PAX7: variants seen among roughly 807,000 people sequenced by gnomAD.
PAX7 encodes paired box protein Pax-7.
Under a neutral mutation model 50.7 loss-of-function variants are expected in PAX7, and 18 were observed. That is an observed-to-expected ratio of 0.36 (90% CI 0.25 to 0.53). PAX7 has a LOEUF of 0.53. PAX7 is among the 20% of genes least tolerant of loss of function. The probability of loss-of-function intolerance (pLI) is 0.93; values close to 1 mark genes in which losing one functional copy is unlikely to be tolerated. For synonymous variants in PAX7, 310 were observed against 290.4 expected, an observed-to-expected ratio of 1.07 and a Z score of -0.69; for missense variants, 644 against 702.9, an observed-to-expected ratio of 0.92 and a Z score of 0.95.
chr1:18,666,347 G>A (rs1360082594), intron 4 of PAX7, among the ~76,000 whole-genome samples: 1 of 152,198 alleles, frequency 6.6e-6, no homozygotes, highest in Non-Finnish European at 1.5e-5. Context: ...TGGCCTGGCT[G>A]TGGTCTAGGG....
intron 4 of PAX7, among the ~76,000 whole-genome samples, chr1:18,645,210 C>A (rs2088318759): frequency 6.6e-6 from 1 of 152,176 alleles, no homozygotes; most frequent in Non-Finnish European, 1.5e-5. Flanking sequence ...TGGCAGCCAG[C>A]CCCCAAGCTG....
At chr1:18,689,532 T>C (rs1033582052) in intron 4 of PAX7, among the ~76,000 whole-genome samples, 2 of 152,162 alleles carry the variant, frequency 1.3e-5, no homozygotes, top group African/African-American at 4.8e-5. Flanking sequence ...TTGCAATCCA[T>C]TCCTTCGCTG....
chr1:18,670,465 C>G (rs975668855), intron 4 of PAX7, among the ~76,000 whole-genome samples: 2 of 152,174 alleles, frequency 1.3e-5, no homozygotes, highest in Non-Finnish European at 2.9e-5. Flanking sequence ...CCCAGGGGAC[C>G]TGTCTGCGCC....
At chr1:18,658,739 G>T (rs975646619) in intron 4 of PAX7, among the ~76,000 whole-genome samples, 1 of 152,220 alleles carries the variant, frequency 6.6e-6, no homozygotes. Flanking sequence ...AAGGTTTGCT[G>T]GTAGAAGCCT....
chr1:18,717,976 C>A (rs1212161691), intron 7 of PAX7, among the ~76,000 whole-genome samples: 2 of 152,194 alleles, frequency 1.3e-5, no homozygotes. Flanking sequence ...GGATAGACCA[C>A]CTAGAGCCCC....
chr1:18,719,727 C>T (rs893831840), intron 7 of PAX7, among the ~76,000 whole-genome samples: 1 of 152,226 alleles, frequency 6.6e-6, no homozygotes, highest in African/African-American at 2.4e-5. Flanking sequence ...CTTCCCTGAG[C>T]CCCCTGGACT....
At chr1:18,688,661 G>A (rs1351274159) in intron 4 of PAX7, among the ~76,000 whole-genome samples, 1 of 152,212 alleles carries the variant, frequency 6.6e-6, no homozygotes, top group Non-Finnish European at 1.5e-5. Flanking sequence ...AGCAATTTGG[G>A]AGGCCGAAGC....
At chr1:18,742,152 T>C (rs1403922858) in intron 8 of PAX7, among the ~76,000 whole-genome samples, 4 of 112,448 alleles carry the variant, frequency 3.6e-5, no homozygotes, top group Admixed American at 1.7e-4. Flanking sequence ...AGGCTTCTTT[T>C]TTTTTTTTTT....
intron 7 of PAX7, among the ~76,000 whole-genome samples, chr1:18,721,740 GAGGAGAAGCT>G (rs749087717): frequency 9.2e-5 from 14 of 152,240 alleles, no homozygotes; most frequent in Non-Finnish European, 2.1e-4. Flanking sequence ...GTGATGCGGG[GAGGAGAAGCT>G]GGCAGTTGTC....
At chr1:18,675,729 A>C (rs1200089115) in intron 4 of PAX7, among the ~76,000 whole-genome samples, 3 of 152,180 alleles carry the variant, frequency 2.0e-5, no homozygotes, top group Admixed American at 2.0e-4. Context: ...TAACTAGCTC[A>C]GAACGGGGCT....
chr1:18,641,769 A>G (rs945211837), intron 4 of PAX7, among the ~76,000 whole-genome samples: 4 of 152,242 alleles, frequency 2.6e-5, no homozygotes, highest in African/African-American at 9.6e-5. Flanking sequence ...ACCAGACAGT[A>G]TTGGGAAGTT....
At chr1:18,649,437 T>C (rs1248412485) in intron 4 of PAX7, among the ~76,000 whole-genome samples, 5 of 152,088 alleles carry the variant, frequency 3.3e-5, no homozygotes, top group Non-Finnish European at 7.3e-5. Flanking sequence ...TCTAACAGGC[T>C]CTGCAGGACT....
chr1:18,700,928 T>A lies in PAX7; in HGVS notation c.952+110T>A, dbSNP rs992771314. The A allele has an allele frequency of 2.7e-6, 3 of 1,099,280 alleles. No individual in the cohort carries two copies. Among genetic ancestry groups the A allele is most frequent in the African/African-American group, 3.3e-5 (2 of 60,294 alleles). 68.1% of individuals were successfully genotyped at this position (1,099,280 alleles called of 1,614,324 possible). A position where few individuals can be genotyped will look rare whatever the true frequency, so the allele number is the denominator to read the frequency against. Reference sequence around the variant, plus strand: ...TTTATGACCATTTCTTACTTTCATGTAAGCAGGCTATTGAGAGCAAAAAGA... The same window carrying A: ...TTTATGACCATTTCTTACTTTCATGAAAGCAGGCTATTGAGAGCAAAAAGA... On this transcript the variant is annotated intron_variant, in intron 6 of 8. Coordinates refer to ENST00000420770, the MANE Select transcript of PAX7 (RefSeq NM_001135254.2). This position sits in a 1 kb window ranked among gnomAD's most constrained non-coding sequence, Gnocchi z 4.8.
At chr1:18,713,211 G>C (rs2089377692) in intron 7 of PAX7, among the ~76,000 whole-genome samples, 2 of 152,182 alleles carry the variant, frequency 1.3e-5, no homozygotes, top group Non-Finnish European at 2.9e-5. Flanking sequence ...AGATGGAGTA[G>C]AGGCCTGGTA....
chr1:18,709,259 G>A (rs973586828), intron 7 of PAX7, among the ~76,000 whole-genome samples: 7 of 152,096 alleles, frequency 4.6e-5, no homozygotes, highest in Non-Finnish European at 8.8e-5. Flanking sequence ...CCACGACCTC[G>A]TGGAAGGGGC....
At chr1:18,676,009 G>A (rs998647220) in intron 4 of PAX7, among the ~76,000 whole-genome samples, 2 of 152,194 alleles carry the variant, frequency 1.3e-5, no homozygotes, top group African/African-American at 4.8e-5. Flanking sequence ...CAGGGTTGGG[G>A]CATCTGCCTG....
intron 3 of PAX7, among the ~76,000 whole-genome samples, chr1:18,635,528 A>AGG (rs1255197987): frequency 6.9e-4 from 102 of 148,076 alleles, no homozygotes; most frequent in Non-Finnish European, 9.1e-4. Flanking sequence ...GAAGGAAGGA[A>AGG]AGAAGGAAGG....
At chr1:18,657,480 C>T (rs1299527797) in intron 4 of PAX7, among the ~76,000 whole-genome samples, 1 of 152,036 alleles carries the variant, frequency 6.6e-6, no homozygotes, top group Non-Finnish European at 1.5e-5. Context: ...GAAAGAGAAA[C>T]CAGAGGAAGG....
chr1:18,651,829 C>CCCCG lies in PAX7; in HGVS notation c.586+15458_586+15459insCCCG, dbSNP rs1557510089. On this transcript the variant is annotated intron_variant, in intron 4 of 8. Transcript: ENST00000420770. ...CCCCCTCTCCCCTCCCCGCCCCCCC[C>CCCCG]ACCCCACCGCCTCTTCATGCACCTG... 7.2e-3 allele frequency among the ~76,000 whole-genome samples: 1,051 copies of CCCCG among 145,168 alleles called. 11 individuals are homozygous for CCCCG. The highest frequency in any genetic ancestry group is 0.026 in the African/African-American group (988 of 37,568).
Sources: allele counts gnomAD v4.1 joint callset (sites outside exome capture counted in the v4.1 genomes callset), GRCh38; gene constraint gnomAD v4.1.1; non-coding constraint Gnocchi (gnomAD v3.1); transcripts MANE v1.5; gene names NCBI Gene and HGNC (gene_info 2026-07-23, HGNC 2026-07-21).